Variants in AHI1 observed in about 807,000 individuals in gnomAD.
AHI1 encodes jouberin.
AHI1 carries 123 observed loss-of-function variants against 149.3 expected under a neutral mutation model. That is an observed-to-expected ratio of 0.82 (90% CI 0.71 to 0.96). The LOEUF is 0.96. Ranked by LOEUF, AHI1 falls within the 40% of genes least tolerant of loss-of-function variation. The pLI is 0.00. For missense variants in AHI1, 1,439 were observed against 1,422.7 expected (o/e 1.01, Z -0.18); for synonymous variants, 475 against 459.8 (o/e 1.03, Z -0.42).
intron 16 of AHI1, among the ~76,000 whole-genome samples, chr6:135,432,405 T>A (rs898679071): frequency 6.6e-6 from 1 of 152,126 alleles, no homozygotes; most frequent in Non-Finnish European, 1.5e-5. Flanking sequence ...CAGGCTGGAG[T>A]GCAGTGGCGC....
rs59959306 is a variant in AHI1 at position 135,299,030 on chromosome 6, T to C, written c.3485+1470A>G. Among the ~76,000 whole-genome samples, 189 of 152,330 alleles carry C rather than the reference T, an allele frequency of 1.2e-3. 1 individual carries two copies. Among genetic ancestry groups the C allele is most frequent in the African/African-American group, 4.2e-3 (174 of 41,574 alleles). ...CAGTCTGTGCTTATTGTTTCTAGTG[T>C]ATTTTGTTGTTGAGTATACGCTCCT... On this transcript the variant is annotated intron_variant, in intron 27 of 28. Coordinates refer to ENST00000265602, the MANE Select transcript of AHI1 (RefSeq NM_001134831.2).
intron 24 of AHI1, among the ~76,000 whole-genome samples, chr6:135,352,921 T>A (rs1792380781): frequency 6.6e-6 from 1 of 151,694 alleles, no homozygotes; most frequent in South Asian, 2.1e-4. Flanking sequence ...TCTTGATAAT[T>A]TAGAAAATTC....
At chr6:135,484,420 C>A (rs1180135026) in intron 5 of AHI1, among the ~76,000 whole-genome samples, 2 of 152,094 alleles carry the variant, frequency 1.3e-5, no homozygotes, top group African/African-American at 4.8e-5. Flanking sequence ...CAATCTGAAT[C>A]TCTTTTAAAA....
chr6:135,342,006 T>C (rs1225808123), intron 24 of AHI1, among the ~76,000 whole-genome samples: 17 of 151,748 alleles, frequency 1.1e-4, no homozygotes, highest in Admixed American at 9.8e-4. Flanking sequence ...AAATAAAAAT[T>C]GGTTCTTCGA....
At position 135,479,399 on chromosome 6, in the gene AHI1, C is replaced by T. The variant is rs56873777; in HGVS notation, c.135+11224G>A. On this transcript the variant is annotated intron_variant, in intron 5 of 28. Transcript: ENST00000265602. ...GGGAGCCTACCCCTTGTGTCAGGGTCGTCTAGATGTGAGACATGGAGTCAA... is the reference window on the plus strand; with the variant it reads ...GGGAGCCTACCCCTTGTGTCAGGGTTGTCTAGATGTGAGACATGGAGTCAA... 2.3e-3 allele frequency among the ~76,000 whole-genome samples: 352 copies of T among 152,228 alleles called. 7 individuals are homozygous for T. In the East Asian group the frequency reaches 0.034, roughly 15 times the overall value.
intron 20 of AHI1, among the ~76,000 whole-genome samples, chr6:135,417,604 G>A (rs1429186779): frequency 2.0e-5 from 3 of 151,824 alleles, no homozygotes; most frequent in East Asian, 1.9e-4. Context: ...AAATGGAAGC[G>A]GATAACACAA....
intron 22 of AHI1, among the ~76,000 whole-genome samples, chr6:135,398,474 A>G (rs538629535): frequency 6.6e-6 from 1 of 152,176 alleles, no homozygotes; most frequent in Non-Finnish European, 1.5e-5. Context: ...TCAAATTTGA[A>G]TCAGTCACTA....
chr6:135,354,959 C>T (rs1009073630), intron 24 of AHI1, among the ~76,000 whole-genome samples: 2 of 152,124 alleles, frequency 1.3e-5, no homozygotes, highest in Non-Finnish European at 2.9e-5. Context: ...GAATGACTAG[C>T]AGTCTGATGT....
At chr6:135,438,093 C>A (rs1245521153) in intron 15 of AHI1, among the ~76,000 whole-genome samples, 1 of 151,878 alleles carries the variant, frequency 6.6e-6, no homozygotes, top group East Asian at 1.9e-4. Flanking sequence ...GTTTAATAAC[C>A]CCTAACCCCA....
chr6:135,346,483 A>C (rs1582726917), intron 24 of AHI1, among the ~76,000 whole-genome samples: 1 of 152,106 alleles, frequency 6.6e-6, no homozygotes, highest in East Asian at 1.9e-4. Context: ...TACAGGCGTG[A>C]GCCATCATGC....
chr6:135,443,667 T>C (rs982128570), intron 13 of AHI1, among the ~76,000 whole-genome samples: 97 of 152,280 alleles, frequency 6.4e-4, no homozygotes, highest in African/African-American at 2.3e-3. Flanking sequence ...TCACAAATAG[T>C]ACCAAGATCT....
intron 23 of AHI1, among the ~76,000 whole-genome samples, chr6:135,382,767 T>C (rs1038090575): frequency 2.0e-5 from 3 of 151,276 alleles, no homozygotes; most frequent in African/African-American, 7.3e-5. Context: ...GACATAAGGA[T>C]TTACAAAGGA....
chr6:135,332,347 G>A (rs1384919357), intron 24 of AHI1, among the ~76,000 whole-genome samples: 3 of 152,202 alleles, frequency 2.0e-5, no homozygotes, highest in Admixed American at 2.0e-4. Context: ...GATTACAGGC[G>A]TAAGCCACCG....
intron 15 of AHI1, among the ~76,000 whole-genome samples, chr6:135,433,886 C>T (rs1351241452): frequency 6.6e-6 from 1 of 151,834 alleles, no homozygotes; most frequent in Non-Finnish European, 1.5e-5. Context: ...CACTCATTAT[C>T]CTGTCCTCTA....
intron 26 of AHI1, among the ~76,000 whole-genome samples, chr6:135,311,870 T>C (rs1269871925): frequency 6.6e-6 from 1 of 152,234 alleles, no homozygotes; most frequent in Non-Finnish European, 1.5e-5. Context: ...AAGTTGTTAC[T>C]GATTTGTTTC....
intron 24 of AHI1, among the ~76,000 whole-genome samples, chr6:135,343,407 A>G (rs779346916): frequency 1.4e-4 from 22 of 151,900 alleles, no homozygotes; most frequent in Non-Finnish European, 8.8e-5. Context: ...TAAGATTCCT[A>G]TGGAAATGCA....
intron 14 of AHI1, among the ~76,000 whole-genome samples, chr6:135,441,439 T>C (rs2128043742): frequency 6.6e-6 from 1 of 152,240 alleles, no homozygotes; most frequent in East Asian, 1.9e-4. Context: ...AATACATCTC[T>C]AATTTGTGAA....
intron 5 of AHI1, among the ~76,000 whole-genome samples, chr6:135,471,784 G>A (rs905417461): frequency 2.8e-4 from 42 of 151,128 alleles, no homozygotes; most frequent in Non-Finnish European, 5.2e-4. Flanking sequence ...AGGCCGAGGC[G>A]GGTGGATCAT....
intron 26 of AHI1, among the ~76,000 whole-genome samples, chr6:135,303,419 A>G (rs1449294990): frequency 6.6e-6 from 1 of 152,202 alleles, no homozygotes; most frequent in Non-Finnish European, 1.5e-5. Flanking sequence ...TAGTTTGTTT[A>G]TATCTACTTT....
Sources: allele counts gnomAD v4.1 joint callset (sites outside exome capture counted in the v4.1 genomes callset), GRCh38; gene constraint gnomAD v4.1.1; transcripts MANE v1.5; gene names NCBI Gene and HGNC (gene_info 2026-07-23, HGNC 2026-07-21).